The following CADM2 variants were observed in gnomAD, a reference collection of about 807,000 sequenced individuals.
The protein encoded by CADM2 is immunoglobulin superfamily member 4D.
Under a neutral mutation model 49.8 loss-of-function variants are expected in CADM2, and 12 were observed. That is an observed-to-expected ratio of 0.24 (90% CI 0.15 to 0.39). The LOEUF (loss-of-function observed/expected upper bound fraction) is 0.39, where lower values mean the gene tolerates loss of function less well. Ranked by LOEUF, CADM2 falls within the 10% of genes least tolerant of loss-of-function variation. The pLI is 1.00. For synonymous variants in CADM2, 214 were observed against 175.4 expected (o/e 1.22, Z -1.74); for missense variants, 378 against 492.3 (o/e 0.77, Z 2.20).
chr3:86,033,686 TG>T (rs1734814391), intron 8 of CADM2, among the ~76,000 whole-genome samples: 1 of 140,564 alleles, frequency 7.1e-6, no homozygotes, highest in Admixed American at 7.4e-5. Flanking sequence ...TATATATATA[TG>T]AGATAGTTAT....
intron 1 of CADM2, among the ~76,000 whole-genome samples, chr3:85,111,348 G>C (rs567241946): frequency 1.8e-4 from 28 of 151,790 alleles, no homozygotes; most frequent in African/African-American, 6.8e-4. Flanking sequence ...TTTGTCAAGA[G>C]GTTATATGGT....
At chr3:85,003,261 C>G (rs536184195) in intron 1 of CADM2, among the ~76,000 whole-genome samples, 35 of 152,124 alleles carry the variant, frequency 2.3e-4, no homozygotes, top group African/African-American at 7.9e-4. Flanking sequence ...GTATGGAATT[C>G]CATGATTTAT....
chr3:85,020,303 C>T (rs1270893060), intron 1 of CADM2, among the ~76,000 whole-genome samples: 1 of 152,072 alleles, frequency 6.6e-6, no homozygotes, highest in Non-Finnish European at 1.5e-5. Context: ...ATTTAACAGA[C>T]ATTTGCTTTA....
At chr3:85,645,849 G>T (rs953641118) in intron 1 of CADM2, among the ~76,000 whole-genome samples, 1 of 151,842 alleles carries the variant, frequency 6.6e-6, no homozygotes, top group Non-Finnish European at 1.5e-5. Context: ...TTGAACTCTG[G>T]GGAGGGGGTA....
At chr3:85,759,968 G>A (rs2069296019) in intron 2 of CADM2, among the ~76,000 whole-genome samples, 1 of 151,916 alleles carries the variant, frequency 6.6e-6, no homozygotes, top group African/African-American at 2.4e-5. Context: ...TAAACATATA[G>A]ACTTTAAGTA....
chr3:85,596,070 A>C (rs1254903181), intron 1 of CADM2, among the ~76,000 whole-genome samples: 1 of 151,914 alleles, frequency 6.6e-6, no homozygotes, highest in Non-Finnish European at 1.5e-5. Flanking sequence ...TGACATAATT[A>C]TTTTATATTT....
intron 1 of CADM2, among the ~76,000 whole-genome samples, chr3:85,478,971 G>T (rs1559860788): frequency 1.3e-5 from 2 of 151,456 alleles, no homozygotes; most frequent in Non-Finnish European, 2.9e-5. Context: ...TAGAGACAGG[G>T]TCTCTCTCTA....
intron 1 of CADM2, among the ~76,000 whole-genome samples, chr3:85,637,127 T>C (rs1036735039): frequency 6.6e-6 from 1 of 152,210 alleles, no homozygotes; most frequent in Admixed American, 6.5e-5. Flanking sequence ...TATTCTTTTT[T>C]TTAAATTGAA....
chr3:85,216,695 A>C (rs1231237812), intron 1 of CADM2, among the ~76,000 whole-genome samples: 1 of 152,068 alleles, frequency 6.6e-6, no homozygotes, highest in Admixed American at 6.6e-5. Flanking sequence ...GAAATTTTAC[A>C]TGTGTACTCT....
chr3:85,170,342 C>CTTTTT (rs10649749), intron 1 of CADM2, among the ~76,000 whole-genome samples: 2 of 144,428 alleles, frequency 1.4e-5, no homozygotes, highest in Non-Finnish European at 1.5e-5. Context: ...CTTTTTCTAA[C>CTTTTT]TTTTTTTTTT....
At chr3:85,274,506 A>G (rs1187689363) in intron 1 of CADM2, among the ~76,000 whole-genome samples, 2 of 151,420 alleles carry the variant, frequency 1.3e-5, no homozygotes, top group Non-Finnish European at 1.5e-5. Flanking sequence ...TTAAGTATGA[A>G]TGGATTCAAG....
At chr3:85,222,614 T>A (rs2107794754) in intron 1 of CADM2, among the ~76,000 whole-genome samples, 1 of 152,314 alleles carries the variant, frequency 6.6e-6, no homozygotes, top group Non-Finnish European at 1.5e-5. Context: ...ATCTACTTTT[T>A]GGAGGACTTG....
chr3:85,624,892 A>C (rs952165293), intron 1 of CADM2, among the ~76,000 whole-genome samples: 1 of 152,114 alleles, frequency 6.6e-6, no homozygotes, highest in Non-Finnish European at 1.5e-5. Context: ...CAGATCATGG[A>C]GATTTAATTC....
intron 6 of CADM2, among the ~76,000 whole-genome samples, chr3:85,922,919 T>C (rs1719327867): frequency 6.6e-6 from 1 of 151,748 alleles, no homozygotes; most frequent in South Asian, 2.1e-4. Flanking sequence ...CCTCCCGGGT[T>C]CAAGCGATTC....
chr3:85,430,539 A>G (rs2107520180), intron 1 of CADM2, among the ~76,000 whole-genome samples: 1 of 150,986 alleles, frequency 6.6e-6, no homozygotes, highest in Middle Eastern at 3.4e-3. Context: ...ATAATATTGG[A>G]AGTGGAGGCA....
At chr3:85,134,625 A>C (rs1280477435) in intron 1 of CADM2, among the ~76,000 whole-genome samples, 4 of 152,188 alleles carry the variant, frequency 2.6e-5, no homozygotes, top group Admixed American at 6.5e-5. Context: ...TTTAGTCAAA[A>C]TTCAAGTCTT....
chr3:85,898,396 T>C (rs750060494), intron 5 of CADM2, among the ~76,000 whole-genome samples: 1 of 152,064 alleles, frequency 6.6e-6, no homozygotes, highest in African/African-American at 2.4e-5. Flanking sequence ...AGATAAAAAA[T>C]GTATTTATTA....
intron 8 of CADM2, among the ~76,000 whole-genome samples, chr3:86,061,342 G>C (rs1738622407): frequency 6.6e-6 from 1 of 151,602 alleles, no homozygotes; most frequent in African/African-American, 2.4e-5. Flanking sequence ...TGTAATATTG[G>C]GCATACAGAT....
intron 8 of CADM2, among the ~76,000 whole-genome samples, chr3:86,033,841 A>G (rs1734843878): frequency 6.8e-6 from 1 of 147,510 alleles, no homozygotes; most frequent in Admixed American, 6.8e-5. Flanking sequence ...TATACTGATG[A>G]TAATTATATA....
Sources: gnomAD v4.1 joint callset for allele counts (sites outside exome capture counted in the v4.1 genomes callset) on GRCh38, gnomAD v4.1.1 for gene constraint, MANE v1.5 for transcripts, NCBI Gene and HGNC (gene_info 2026-07-23, HGNC 2026-07-21) for gene names.